Variants in PLCB4 observed in about 807,000 individuals in gnomAD.
PLCB4 encodes the protein phospholipase C beta 4, also known as 1-phosphatidylinositol 4,5-bisphosphate phosphodiesterase beta-4.
In PLCB4, 77 loss-of-function variants were observed where a neutral mutation model predicts 178.8. The ratio of observed to expected loss-of-function variants is 0.43; its 90% CI spans 0.36 to 0.52. The LOEUF is 0.52. Ranked by LOEUF, PLCB4 falls within the 20% of genes least tolerant of loss-of-function variation. PLCB4 has a pLI of 0.00. For synonymous variants in PLCB4, 496 were observed against 490.8 expected (o/e 1.01, Z -0.14); for missense variants, 1,024 against 1,453.4 (o/e 0.70, Z 4.80).
At chr20:9,150,730 C>T (rs2092677553) in intron 2 of PLCB4, among the ~76,000 whole-genome samples, 2 of 152,142 alleles carry the variant, frequency 1.3e-5, no homozygotes, top group South Asian at 4.1e-4. Flanking sequence ...GTTCTCCTGC[C>T]AGGGCTGCCA....
intron 10 of PLCB4, 63 bp from the exon 11 acceptor site, chr20:9,372,240 A>G: frequency 1.1e-6 from 1 of 907,116 alleles, no homozygotes; most frequent in Admixed American, 1.9e-5. Context: ...ATGACCCTGT[A>G]GCTTCTCACC....
intron 1 of PLCB4, among the ~76,000 whole-genome samples, chr20:9,075,064 A>G (rs1172297343): frequency 6.6e-6 from 1 of 152,100 alleles, no homozygotes; most frequent in Non-Finnish European, 1.5e-5. Context: ...TTTATTTAAT[A>G]CTTCTGACAG....
intron 1 of PLCB4, among the ~76,000 whole-genome samples, chr20:9,081,768 C>CA (rs10629831): frequency 0.056 from 5,042 of 90,424 alleles, 304 homozygotes; most frequent in Non-Finnish European, 0.079. Context: ...GATGATTAAG[C>CA]AAAAAAAAAA....
intron 2 of PLCB4, among the ~76,000 whole-genome samples, chr20:9,148,828 A>G (rs1363229336): frequency 6.6e-6 from 1 of 152,186 alleles, no homozygotes; most frequent in African/African-American, 2.4e-5. Flanking sequence ...CCCTGATTTA[A>G]TAAACAGAAT....
chr20:9,201,532 G>A (rs900090681), intron 2 of PLCB4, among the ~76,000 whole-genome samples: 1 of 152,038 alleles, frequency 6.6e-6, no homozygotes, highest in Non-Finnish European at 1.5e-5. Flanking sequence ...TTATAACTGT[G>A]TAAATTTACT....
At chr20:9,360,501 A>G (rs2035228412) in intron 7 of PLCB4, among the ~76,000 whole-genome samples, 1 of 151,214 alleles carries the variant, frequency 6.6e-6, no homozygotes, top group Non-Finnish European at 1.5e-5. Flanking sequence ...CTAGGAAACT[A>G]TGGACTTTGT....
At chr20:9,409,229 C>T in intron 24 of PLCB4, 48 bp downstream of exon 24, 3 of 1,517,032 alleles carry the variant, frequency 2.0e-6, no homozygotes, top group Admixed American at 2.4e-5. Context: ...AACACTTTGA[C>T]AGGATGGTGC....
At chr20:9,384,961 G>T (rs905156101) in intron 14 of PLCB4, among the ~76,000 whole-genome samples, 1 of 152,094 alleles carries the variant, frequency 6.6e-6, no homozygotes, top group African/African-American at 2.4e-5. Flanking sequence ...TGCCGCCTTC[G>T]GCAGTGTTTG....
intron 2 of PLCB4, among the ~76,000 whole-genome samples, chr20:9,174,453 T>C (rs531718112): frequency 1.5e-3 from 140 of 90,804 alleles, no homozygotes; most frequent in Non-Finnish European, 2.7e-3. Flanking sequence ...CCTATTCTTC[T>C]TTTTTTTTTT....
chr20:9,283,517 G>A (rs781719275), intron 3 of PLCB4, among the ~76,000 whole-genome samples: 6 of 151,844 alleles, frequency 4.0e-5, no homozygotes, highest in Admixed American at 6.6e-5. Flanking sequence ...TTATAGTCTC[G>A]AACATTACAT....
At chr20:9,339,346 C>G (rs2032904656) in intron 7 of PLCB4, among the ~76,000 whole-genome samples, 2 of 152,064 alleles carry the variant, frequency 1.3e-5, no homozygotes, top group Admixed American at 1.3e-4. Flanking sequence ...TTCAATAGGT[C>G]TGAGGTGGGG....
intron 2 of PLCB4, among the ~76,000 whole-genome samples, chr20:9,108,898 C>T (rs2091471274): frequency 1.4e-5 from 1 of 71,120 alleles, no homozygotes; most frequent in Admixed American, 1.7e-4. Flanking sequence ...AGAGAGAAAA[C>T]AAGAGAGAGA....
At chr20:9,292,050 A>T (rs2147769997) in intron 3 of PLCB4, among the ~76,000 whole-genome samples, 1 of 152,270 alleles carries the variant, frequency 6.6e-6, no homozygotes, top group East Asian at 1.9e-4. Context: ...TATTTTAATG[A>T]GAAAATAGTT....
chr20:9,107,658 G>A (rs1454460065), intron 2 of PLCB4, among the ~76,000 whole-genome samples: 4 of 152,058 alleles, frequency 2.6e-5, no homozygotes, highest in South Asian at 2.1e-4. Context: ...GGAGGGTGGC[G>A]TAGGGAGGAG....
chr20:9,423,753 C>T lies in PLCB4; in HGVS notation c.2325C>T (p.Ile775=), dbSNP rs1173973540. The T allele has an allele frequency of 6.2e-7, 1 of 1,613,278 alleles. No individual in the cohort carries two copies. The highest frequency in any genetic ancestry group is 1.7e-5 in the Admixed American group (1 of 59,942). The change falls in exon 28 of 40, where the codon ATC becomes ATT. Residue 775 remains isoleucine (I), a synonymous_variant. Coordinates refer to ENST00000378473, the MANE Select transcript of PLCB4 (RefSeq NM_001377142.1). Reference sequence around the variant, plus strand: ...AAGTCCTGTTCTGTTTGCAGGTGATCCTGCCGGACCTGGCTGTCTTGAGAA... The same window carrying T: ...AAGTCCTGTTCTGTTTGCAGGTGATTCTGCCGGACCTGGCTGTCTTGAGAA... ...NEESFVFRKV[I]LPDLAVLRIA...
At chr20:9,145,375 C>CACT in intron 2 of PLCB4, among the ~76,000 whole-genome samples, 1 of 152,094 alleles carries the variant, frequency 6.6e-6, no homozygotes, top group South Asian at 2.1e-4. Context: ...TAGGAAAAGC[C>CACT]ACTACTGCAT....
chr20:9,306,362 C>T (rs557211602), intron 3 of PLCB4, among the ~76,000 whole-genome samples: 14 of 151,936 alleles, frequency 9.2e-5, no homozygotes, highest in African/African-American at 3.4e-4. Context: ...CCCCTCCCCC[C>T]ACCCCGGCCT....
intron 2 of PLCB4, among the ~76,000 whole-genome samples, chr20:9,152,644 C>T (rs1360055479): frequency 6.6e-6 from 1 of 152,190 alleles, no homozygotes; most frequent in East Asian, 1.9e-4. Context: ...GGGCGGGGAA[C>T]TTCATGGAGA....
At chr20:9,127,398 T>C (rs2092144213) in intron 2 of PLCB4, among the ~76,000 whole-genome samples, 1 of 152,188 alleles carries the variant, frequency 6.6e-6, no homozygotes, top group Admixed American at 6.5e-5. Context: ...TTCTTATTTT[T>C]ATTTTTATGT....
Sources: gnomAD v4.1 joint callset for allele counts (sites outside exome capture counted in the v4.1 genomes callset) on GRCh38, gnomAD v4.1.1 for gene constraint, MANE v1.5 for transcripts, NCBI Gene and HGNC (gene_info 2026-07-23, HGNC 2026-07-21) for gene names.